The following TDRD12 variants were observed in gnomAD, a reference collection of about 807,000 sequenced individuals.
The protein encoded by TDRD12 is putative ATP-dependent RNA helicase TDRD12.
Under a neutral mutation model 133.5 loss-of-function variants are expected in TDRD12, and 158 were observed. That is an observed-to-expected ratio of 1.18 (90% CI 1.04 to 1.35). The LOEUF is 1.35. TDRD12 is among the 40% of genes most tolerant of loss of function. The pLI is 0.00. For missense variants in TDRD12, 1,443 were observed against 1,321.3 expected, an observed-to-expected ratio of 1.09 and a Z score of -1.43; for synonymous variants, 460 against 477.9, an observed-to-expected ratio of 0.96 and a Z score of 0.49.
At chr19:32,783,059 A>G (rs148670981) in intron 11 of TDRD12, among the ~76,000 whole-genome samples, 5,103 of 152,134 alleles carry the variant, frequency 0.034, 206 homozygotes, top group East Asian at 0.24. Context: ...CCTGAATGGT[A>G]TTGCCCTGGT....
intron 11 of TDRD12, among the ~76,000 whole-genome samples, chr19:32,780,328 T>TC: frequency 6.6e-6 from 1 of 152,178 alleles, no homozygotes; most frequent in African/African-American, 2.4e-5. Flanking sequence ...TCAGGTGATC[T>TC]GCCTGCCATT....
At chr19:32,827,134 CTTAT>C in intron 9 of TDRD12, 26 bp from the exon 33 acceptor site, 1 of 1,159,128 alleles carries the variant, frequency 8.6e-7, no homozygotes, top group Non-Finnish European at 1.1e-6. Context: ...TTAGTCTACA[CTTAT>C]TTGTTATAAT....
At chr19:32,772,392 T>C (rs1469006408) in intron 8 of TDRD12, among the ~76,000 whole-genome samples, 1 of 152,164 alleles carries the variant, frequency 6.6e-6, no homozygotes, top group Non-Finnish European at 1.5e-5. Context: ...GAAAGGATCA[T>C]AGAGCCCACC....
intron 11 of TDRD12, among the ~76,000 whole-genome samples, chr19:32,777,859 T>A (rs12460356): frequency 9.8e-3 from 215 of 21,900 alleles, no homozygotes; most frequent in Admixed American, 0.018. Context: ...ATATATATAT[T>A]TTTTTTTTTT....
intron 4 of TDRD12, 23 bp from the exon 5 acceptor site, chr19:32,748,453 G>T (rs1202398702): frequency 6.5e-7 from 1 of 1,548,790 alleles, no homozygotes; most frequent in Admixed American, 2.0e-5. Context: ...ATGTAATGGA[G>T]TTGCATCTGT....
chr19:32,790,430 G>A (rs1599589521), intron 11 of TDRD12, 101 bp from the exon 12 acceptor site: 1 of 1,189,022 alleles, frequency 8.4e-7, no homozygotes, highest in Non-Finnish European at 1.2e-6. Flanking sequence ...GCCTTGGGCT[G>A]TGCAGCCCCT....
chr19:32,722,772 C>T (rs563006284), intron 1 of TDRD12, among the ~76,000 whole-genome samples: 31 of 151,668 alleles, frequency 2.0e-4, no homozygotes, highest in African/African-American at 4.1e-4. Flanking sequence ...CTCCGCCTCC[C>T]GAGTTCAAGC....
At chr19:32,751,849 C>T (rs7245709) in intron 6 of TDRD12, among the ~76,000 whole-genome samples, 34,548 of 151,852 alleles carry the variant, frequency 0.23, 4,242 homozygotes, top group African/African-American at 0.32. Flanking sequence ...CACCCAGCAC[C>T]TTCTGCATTT....
chr19:32,817,419 C>T (rs146284539), intron 26 of TDRD12, among the ~76,000 whole-genome samples: 181 of 152,240 alleles, frequency 1.2e-3, no homozygotes, highest in Middle Eastern at 3.4e-3. Flanking sequence ...TCAAGGTCCA[C>T]ACGTGTTGCA....
chr19:32,761,606 C>T (rs1599870094), intron 8 of TDRD12, among the ~76,000 whole-genome samples: 2 of 152,154 alleles, frequency 1.3e-5, no homozygotes, highest in Admixed American at 6.5e-5. Flanking sequence ...TCTCTAATGA[C>T]GTAGGATGTG....
rs1462975873 is a variant in TDRD12 at position 32,800,777 on chromosome 19, G to A, written c.2079+5G>A. 2.6e-6 allele frequency: 4 copies of A among 1,512,554 alleles called. No individual in the cohort carries two copies. In the Admixed American group the frequency reaches 6.7e-5, roughly 25 times the overall value. The allele number at this position is 1,512,554 out of a possible 1,614,324, so 93.7% of individuals were successfully genotyped here. On this transcript the variant is annotated splice_donor_5th_base_variant and intron_variant, in intron 18 of 27. Coordinates refer to ENST00000444215, the Ensembl canonical transcript of TDRD12. Reference sequence around the variant, plus strand: ...GAAACAGAAATAGTGTGTAAGGTGAGTCCATCTCCATATAAAAAATGTTCT... The same window carrying A: ...GAAACAGAAATAGTGTGTAAGGTGAATCCATCTCCATATAAAAAATGTTCT...
intron 8 of TDRD12, among the ~76,000 whole-genome samples, chr19:32,758,220 G>T (rs191082289): frequency 8.8e-4 from 134 of 152,350 alleles, no homozygotes; most frequent in South Asian, 3.7e-3. Context: ...AGCTCTCAGT[G>T]TAACCTCATT....
intron 24 of TDRD12, 150 bp downstream of exon 24, chr19:32,811,570 C>T (rs1288784293): frequency 1.7e-5 from 12 of 723,954 alleles, no homozygotes; most frequent in Non-Finnish European, 2.8e-5. Context: ...TGTGAACGTC[C>T]CAGCTGAACC....
At chr19:32,814,758 G>A (rs565718974) in intron 25 of TDRD12, among the ~76,000 whole-genome samples, 13 of 152,210 alleles carry the variant, frequency 8.5e-5, no homozygotes, top group East Asian at 3.9e-4. Flanking sequence ...ATCTCCACCC[G>A]TTCCTGCCCC....
intron 1 of TDRD12, among the ~76,000 whole-genome samples, chr19:32,721,874 A>ATTT (rs768611161): frequency 1.5e-5 from 2 of 137,314 alleles, no homozygotes; most frequent in African/African-American, 2.7e-5. Context: ...CGCCTGGCTA[A>ATTT]TTTTTTTTTT....
chr19:32,809,529 C>T lies in TDRD12; in HGVS notation c.2653-564C>T, dbSNP rs572621550. 5.9e-5 allele frequency among the ~76,000 whole-genome samples: 9 copies of T among 152,326 alleles called. No homozygotes were observed. The South Asian group carries it at 6.2e-4, about 11-fold the overall frequency. On this transcript the variant is annotated intron_variant, in intron 22 of 27. Coordinates refer to ENST00000444215, the Ensembl canonical transcript of TDRD12. ...CAGGGCTCCCTCCCTTCACACAGAG[C>T]GTCTCTGCCCTCTGCACACTGACTT...
chr19:32,817,833 T>C (rs1448883984), intron 26 of TDRD12, among the ~76,000 whole-genome samples: 1 of 150,374 alleles, frequency 6.7e-6, no homozygotes, highest in Non-Finnish European at 1.5e-5. Flanking sequence ...TGTGCAATTC[T>C]AAATGGCCCG....
chr19:32,769,337 C>A (rs1226894881), intron 8 of TDRD12, among the ~76,000 whole-genome samples: 2 of 152,152 alleles, frequency 1.3e-5, no homozygotes, highest in African/African-American at 2.4e-5. Context: ...TCCAGTTGTT[C>A]CACTACATAT....
chr19:32,778,588 C>A (rs1450693248), intron 11 of TDRD12, among the ~76,000 whole-genome samples: 3 of 152,146 alleles, frequency 2.0e-5, no homozygotes, highest in Admixed American at 2.0e-4. Context: ...CAACCTCCAC[C>A]TCCTGGGTTC....
Sources: gnomAD v4.1 joint callset for allele counts (sites outside exome capture counted in the v4.1 genomes callset) on GRCh38, gnomAD v4.1.1 for gene constraint, MANE v1.5 for transcripts, NCBI Gene and HGNC (gene_info 2026-07-23, HGNC 2026-07-21) for gene names.